EML6: variants seen among roughly 807,000 people sequenced by gnomAD.
EML6 encodes echinoderm microtubule-associated protein-like 6.
A neutral mutation model predicts 240.1 loss-of-function variants in EML6; 154 were observed. The ratio of observed to expected loss-of-function variants is 0.64; its 90% confidence interval spans 0.56 to 0.73. EML6 has a LOEUF of 0.73. Ranked by LOEUF, EML6 falls within the 30% of genes least tolerant of loss-of-function variation. The pLI is 0.00. For missense variants in EML6, 2,964 were observed against 2,474.6 expected (o/e 1.20, Z -4.20); for synonymous variants, 1,148 against 899.0 (o/e 1.28, Z -4.95).
intron 20 of EML6, 24 bp downstream of exon 20, chr2:54,895,050 G>T (rs370107872): frequency 2.0e-5 from 30 of 1,497,408 alleles, no homozygotes; most frequent in Middle Eastern, 3.4e-4. Context: ...ACATGTAATA[G>T]AGATCTTTGT....
Position 54,925,546 on chromosome 2 carries a change from C to CT in EML6, c.3676-2764dup, listed in dbSNP as rs774382294. 2.2e-3 allele frequency among the ~76,000 whole-genome samples: 341 copies of CT among 152,304 alleles called. 3 individuals are homozygous for CT. The highest frequency in any genetic ancestry group is 2.9e-3 in the Non-Finnish European group (198 of 68,032). On this transcript the variant is annotated intron_variant, in intron 26 of 41. Transcript: ENST00000356458. Reference sequence around the variant, plus strand: ...TATCTTGGCTCTTTTTCTCATTCTACTTTCCTATGAGTGGGCATCTCTTCC... The same window carrying CT: ...TATCTTGGCTCTTTTTCTCATTCTACTTTTCCTATGAGTGGGCATCTCTTCC...
intron 17 of EML6, among the ~76,000 whole-genome samples, chr2:54,889,338 ACACCCCGTGGTCTTTTTAT>A (rs1324903446): frequency 1.3e-5 from 2 of 151,810 alleles, no homozygotes; most frequent in South Asian, 2.1e-4. Flanking sequence ...AAACACACAC[ACACCCCGTGGTCTTTTTAT>A]TGGAACTAAG....
At chr2:54,922,123 A>C (rs546713615) in intron 26 of EML6, among the ~76,000 whole-genome samples, 1 of 152,228 alleles carries the variant, frequency 6.6e-6, no homozygotes, top group Non-Finnish European at 1.5e-5. Context: ...CAAAATGAAA[A>C]GGCAGCCTAT....
intron 7 of EML6, among the ~76,000 whole-genome samples, 199 bp from the exon 8 acceptor site, chr2:54,843,844 CAAAA>C (rs34580151): frequency 9.7e-4 from 106 of 108,840 alleles, no homozygotes; most frequent in Non-Finnish European, 1.2e-3. Context: ...GACTCCATCT[CAAAA>C]AAAAAAAAAA....
intron 2 of EML6, among the ~76,000 whole-genome samples, chr2:54,794,985 C>G: frequency 6.6e-6 from 1 of 152,262 alleles, no homozygotes; most frequent in African/African-American, 2.4e-5. Context: ...ACCGACCCAG[C>G]CTTCTTGAAA....
chr2:54,745,729 CA>C (rs1373082355), intron 2 of EML6, among the ~76,000 whole-genome samples: 3 of 152,082 alleles, frequency 2.0e-5, no homozygotes, highest in African/African-American at 7.2e-5. Context: ...TGCAGTGAAC[CA>C]TATTCACTCC....
intron 24 of EML6, among the ~76,000 whole-genome samples, chr2:54,909,250 T>A (rs191654729): frequency 6.6e-6 from 1 of 152,268 alleles, no homozygotes; most frequent in Non-Finnish European, 1.5e-5. Flanking sequence ...AAAATAGAAT[T>A]ACTTTACAGA....
chr2:54,759,955 A>G (rs1269696213), intron 2 of EML6, among the ~76,000 whole-genome samples: 1 of 151,164 alleles, frequency 6.6e-6, no homozygotes, highest in Non-Finnish European at 1.5e-5. Flanking sequence ...AAATAAGATA[A>G]CTTGCTCTAG....
chr2:54,820,675 C>G (rs1180110632), intron 5 of EML6, among the ~76,000 whole-genome samples: 7 of 152,278 alleles, frequency 4.6e-5, no homozygotes, highest in Admixed American at 3.9e-4. Flanking sequence ...AAGTGAAGTG[C>G]TCCGCAGGCA....
chr2:54,739,988 G>A (rs542077385), intron 2 of EML6, among the ~76,000 whole-genome samples: 6 of 152,324 alleles, frequency 3.9e-5, no homozygotes, highest in South Asian at 2.1e-4. Context: ...TAGGTGTAAC[G>A]TAGTGGTCAA....
chr2:54,776,214 AAGG>A (rs1175850377), intron 2 of EML6, among the ~76,000 whole-genome samples: 1 of 152,086 alleles, frequency 6.6e-6, no homozygotes, highest in Non-Finnish European at 1.5e-5. Context: ...ATAAGTGGAA[AAGG>A]AGGAGGAGAA....
At chr2:54,868,863 G>A in intron 14 of EML6, 1 of 253,806 alleles carries the variant, frequency 3.9e-6, no homozygotes. Flanking sequence ...ATTTATGAGA[G>A]GGGAGATGGG....
Position 54,954,102 on chromosome 2 carries a change from G to T in EML6, c.4432G>T (p.Val1478Leu). Residue 1478 changes from valine (V) to leucine (L), a missense_variant, in exon 32 of 42, where the codon GTG (valine) becomes TTG (leucine). Val to Leu is a conservative substitution (Grantham distance 32). Transcript: ENST00000356458. ...CTTCAGTGCAACTGGAAAGCTCCTG[G>T]TGTCGGTGGGAGTGGACCCTGAGCA... ...INFSATGKLL[V>L]SVGVDPEHTI... 6.4e-7 allele frequency: 1 copy of T among 1,551,762 alleles called. No individual in the cohort carries two copies. The highest frequency in any genetic ancestry group is 8.7e-7 in the Non-Finnish European group (1 of 1,147,010).
At chr2:54,946,629 G>T (rs1257541191) in intron 28 of EML6, among the ~76,000 whole-genome samples, 2 of 152,164 alleles carry the variant, frequency 1.3e-5, no homozygotes, top group Non-Finnish European at 2.9e-5. Flanking sequence ...TTTAATACTT[G>T]TATTGTGTTT....
chr2:54,783,103 C>T (rs576380177), intron 2 of EML6, among the ~76,000 whole-genome samples: 4 of 152,172 alleles, frequency 2.6e-5, no homozygotes, highest in South Asian at 2.1e-4. Context: ...ATATTATAGT[C>T]GATCAGTAAA....
In EML6 at chr2:54,968,702, A is replaced by ACGTG; in HGVS notation, c.5787_5790dup (p.Thr1931ArgfsTer9). ...AAGCGATACTTCGGTCACTCGGCTCACGTGACGAACATCCGTTTCTCTTAT... is the reference window on the plus strand; with the variant it reads ...AAGCGATACTTCGGTCACTCGGCTCACGTGCGTGACGAACATCCGTTTCTCTTAT... On this transcript the variant is annotated frameshift_variant, in exon 41 of 42. Transcript: ENST00000356458. LOFTEE classifies it high-confidence loss of function. The ACGTG allele has an allele frequency of 6.4e-7, 1 of 1,551,354 alleles. No individual in the cohort carries two copies. The highest frequency in any genetic ancestry group is 8.7e-7 in the Non-Finnish European group (1 of 1,146,650).
intron 26 of EML6, among the ~76,000 whole-genome samples, chr2:54,918,332 C>CATTT (rs1373975451): frequency 6.6e-6 from 1 of 152,050 alleles, no homozygotes; most frequent in East Asian, 1.9e-4. Context: ...TTTTACATTC[C>CATTT]ATTTATTTAT....
intron 28 of EML6, among the ~76,000 whole-genome samples, chr2:54,940,040 T>C (rs561998847): frequency 1.3e-5 from 2 of 152,232 alleles, no homozygotes; most frequent in Non-Finnish European, 2.9e-5. Context: ...CTATGGCATA[T>C]GTTCCTTAGG....
At chr2:54,924,561 ATTAT>A (rs750208001) in intron 26 of EML6, among the ~76,000 whole-genome samples, 46 of 152,070 alleles carry the variant, frequency 3.0e-4, no homozygotes, top group African/African-American at 4.3e-4. Flanking sequence ...TTTTAAAAAA[ATTAT>A]TTATTATTTT....
Sources: gnomAD v4.1 joint callset for allele counts (sites outside exome capture counted in the v4.1 genomes callset) on GRCh38, gnomAD v4.1.1 for gene constraint, MANE v1.5 for transcripts, NCBI Gene and HGNC (gene_info 2026-07-23, HGNC 2026-07-21) for gene names.